Variants in LRRC4C observed in about 807,000 individuals in gnomAD.
LRRC4C encodes the protein leucine-rich repeat-containing protein 4C.
Under a neutral mutation model 33.6 loss-of-function variants are expected in LRRC4C, and 5 were observed. The ratio of observed to expected loss-of-function variants is 0.15; its 90% CI spans 0.08 to 0.31. LRRC4C has a LOEUF of 0.31. Among genes scored for constraint, LRRC4C ranks in the 10% least tolerant of loss-of-function variants. The probability of loss-of-function intolerance (pLI) is 1.00; values close to 1 mark genes in which losing one functional copy is unlikely to be tolerated. For synonymous variants in LRRC4C, 329 were observed against 302.0 expected (o/e 1.09, Z -0.93); for missense variants, 560 against 796.7 (o/e 0.70, Z 3.58).
chr11:41,135,291 A>G (rs1480713379), intron 1 of LRRC4C, among the ~76,000 whole-genome samples: 1 of 152,046 alleles, frequency 6.6e-6, no homozygotes, highest in African/African-American at 2.4e-5. Flanking sequence ...AGAATAGGGG[A>G]GGGGCAAAAC....
chr11:40,548,855 T>C (rs944383263), intron 3 of LRRC4C, among the ~76,000 whole-genome samples: 3 of 152,180 alleles, frequency 2.0e-5, no homozygotes, highest in East Asian at 3.8e-4. Flanking sequence ...ATGTACTCCC[T>C]GTACCCACCT....
intron 2 of LRRC4C, among the ~76,000 whole-genome samples, chr11:40,905,386 AGAAG>A (rs974945814): frequency 6.6e-6 from 1 of 151,834 alleles, no homozygotes. Flanking sequence ...GCTCACATAT[AGAAG>A]GCAGGAAAAA....
chr11:41,075,843 A>C (rs1006939290), intron 1 of LRRC4C, among the ~76,000 whole-genome samples: 1 of 152,196 alleles, frequency 6.6e-6, no homozygotes, highest in African/African-American at 2.4e-5. Flanking sequence ...GACCAACTCA[A>C]TTGCTAAATC....
At chr11:41,132,907 A>G (rs1943081918) in intron 1 of LRRC4C, among the ~76,000 whole-genome samples, 1 of 152,132 alleles carries the variant, frequency 6.6e-6, no homozygotes. Context: ...GTAATGATAT[A>G]TTTTCAAAGT....
At chr11:40,290,467 GT>G (rs1216599950) in intron 4 of LRRC4C, among the ~76,000 whole-genome samples, 2 of 152,360 alleles carry the variant, frequency 1.3e-5, no homozygotes, top group South Asian at 2.1e-4. Flanking sequence ...GTGCTCAGCT[GT>G]AGGCTAGTTT....
chr11:40,784,531 G>A (rs890109985), intron 2 of LRRC4C, among the ~76,000 whole-genome samples: 1 of 152,134 alleles, frequency 6.6e-6, no homozygotes, highest in African/African-American at 2.4e-5. Flanking sequence ...TAACATTTTT[G>A]AACACAACTT....
At chr11:40,206,295 G>A (rs1388954256) in intron 5 of LRRC4C, among the ~76,000 whole-genome samples, 1 of 152,090 alleles carries the variant, frequency 6.6e-6, no homozygotes, top group African/African-American at 2.4e-5. Flanking sequence ...GAGTGCAGTA[G>A]GGCAATCTCG....
intron 2 of LRRC4C, among the ~76,000 whole-genome samples, chr11:40,670,494 G>A (rs929918500): frequency 9.2e-5 from 14 of 152,172 alleles, no homozygotes; most frequent in African/African-American, 3.1e-4. Flanking sequence ...GATGGTACTT[G>A]TGCCTAAAAT....
intron 6 of LRRC4C, among the ~76,000 whole-genome samples, chr11:40,121,600 C>G (rs184282520): frequency 6.6e-6 from 1 of 152,310 alleles, no homozygotes; most frequent in East Asian, 1.9e-4. Flanking sequence ...TTGAATTAAA[C>G]TATGATACTT....
intron 2 of LRRC4C, among the ~76,000 whole-genome samples, chr11:40,680,680 G>T (rs972823526): frequency 1.3e-5 from 2 of 152,134 alleles, no homozygotes; most frequent in Non-Finnish European, 2.9e-5. Context: ...CGCCATGATT[G>T]TGAGGCCCCA....
intron 2 of LRRC4C, among the ~76,000 whole-genome samples, chr11:40,900,543 A>G (rs548750176): frequency 1.3e-5 from 2 of 152,226 alleles, no homozygotes; most frequent in African/African-American, 4.8e-5. Flanking sequence ...TCATGGTTTC[A>G]TGCTAATTCC....
At chr11:40,907,655 T>A (rs1956481177) in intron 2 of LRRC4C, among the ~76,000 whole-genome samples, 1 of 152,160 alleles carries the variant, frequency 6.6e-6, no homozygotes, top group African/African-American at 2.4e-5. Context: ...AAAATACAAC[T>A]CTTCCTCTCT....
At chr11:40,388,808 C>T (rs937696323) in intron 3 of LRRC4C, among the ~76,000 whole-genome samples, 1 of 152,164 alleles carries the variant, frequency 6.6e-6, no homozygotes, top group African/African-American at 2.4e-5. Flanking sequence ...CAAGTCTCAT[C>T]TCTGTGTTTT....
intron 3 of LRRC4C, among the ~76,000 whole-genome samples, chr11:40,606,002 T>G (rs1220496825): frequency 6.6e-6 from 1 of 152,166 alleles, no homozygotes; most frequent in African/African-American, 2.4e-5. Flanking sequence ...CAGAAAGAGT[T>G]GAGTGGCTCG....
intron 3 of LRRC4C, among the ~76,000 whole-genome samples, chr11:40,542,782 C>T (rs1565489185): frequency 6.6e-6 from 1 of 152,106 alleles, no homozygotes. Flanking sequence ...AGACCTCACA[C>T]ATTCTGGCTT....
intron 1 of LRRC4C, among the ~76,000 whole-genome samples, chr11:41,133,691 A>G (rs1022232269): frequency 6.6e-6 from 1 of 152,140 alleles, no homozygotes. Context: ...GTGACAATAA[A>G]GTACCAAATT....
At chr11:40,154,297 A>AC (rs1295867181) in intron 5 of LRRC4C, among the ~76,000 whole-genome samples, 1 of 151,612 alleles carries the variant, frequency 6.6e-6, no homozygotes, top group African/African-American at 2.4e-5. Context: ...CAAAAAAAAA[A>AC]AAAAAACAAA....
intron 3 of LRRC4C, among the ~76,000 whole-genome samples, chr11:40,558,006 A>T (rs1957397646): frequency 6.6e-6 from 1 of 152,208 alleles, no homozygotes; most frequent in Non-Finnish European, 1.5e-5. Context: ...GGGCAACACC[A>T]CAAAGATTAA....
intron 2 of LRRC4C, among the ~76,000 whole-genome samples, chr11:40,825,771 A>G (rs1043279414): frequency 2.6e-5 from 4 of 151,904 alleles, no homozygotes; most frequent in South Asian, 2.1e-4. Flanking sequence ...GCCAGAGTCC[A>G]CTTAGTGTTG....
Sources: gnomAD v4.1 joint callset for allele counts (sites outside exome capture counted in the v4.1 genomes callset) on GRCh38, gnomAD v4.1.1 for gene constraint, MANE v1.5 for transcripts, NCBI Gene and HGNC (gene_info 2026-07-23, HGNC 2026-07-21) for gene names.